Variants in XPC observed in about 807,000 individuals in gnomAD.
XPC encodes the protein XPC complex subunit, DNA damage recognition and repair factor, also known as DNA repair protein complementing XP-C cells.
A neutral mutation model predicts 95.8 loss-of-function variants in XPC; 76 were observed. That is an observed-to-expected ratio of 0.79 (90% confidence interval 0.66 to 0.96). The LOEUF is 0.96. Among genes scored for constraint, XPC ranks in the 40% least tolerant of loss-of-function variants. The pLI is 0.00. For synonymous variants in XPC, 442 were observed against 442.1 expected, an observed-to-expected ratio of 1.00 and a Z score of 0.00; for missense variants, 1,146 against 1,179.8, an observed-to-expected ratio of 0.97 and a Z score of 0.42.
In XPC at chr3:14,148,547, A is replaced by T. The variant is rs1695542015; in HGVS notation, c.2420+15T>A. The T allele has an allele frequency of 6.2e-7, 1 of 1,613,204 alleles. No homozygotes were observed. Among genetic ancestry groups the T allele is most frequent in the Admixed American group, 1.7e-5 (1 of 59,924 alleles). On this transcript the variant is annotated intron_variant, in intron 13 of 15. Coordinates refer to ENST00000285021, the MANE Select transcript of XPC (RefSeq NM_004628.5). ...CATCCCTGTGTTTAGCCTCCATCGA[A>T]GGCCCCTCACGCACACGGGATGGGA... is the stretch of plus-strand genomic sequence containing the variant.
Position 14,164,848 on chromosome 3 carries a change from T to C in XPC, c.865A>G (p.Ile289Val). ...LQTTLERRFA[I>V]YSARDDEELV... Reference sequence around the variant, plus strand: ...TCCTCATCATCTCGAGCAGAGTAAATAGCAAATCTCCTTTCCAATGTAGTC... The same window carrying C: ...TCCTCATCATCTCGAGCAGAGTAAACAGCAAATCTCCTTTCCAATGTAGTC... Residue 289 changes from isoleucine to valine, a missense_variant, in exon 7 of 16, where the codon ATT becomes GTT. Coordinates refer to ENST00000285021, the MANE Select transcript of XPC (RefSeq NM_004628.5). 3 of 1,613,356 alleles carry C rather than the reference T, an allele frequency of 1.9e-6. No homozygotes were observed. The highest frequency in any genetic ancestry group is 2.7e-5 in the African/African-American group (2 of 75,012).
At position 14,146,034 on chromosome 3, in the gene XPC, A is replaced by G. The variant is rs372394855; in HGVS notation, c.2730T>C (p.Asp910=). Residue 910 remains aspartate (D), a synonymous_variant, in exon 16 of 16, where the codon GAT becomes GAC. Transcript: ENST00000285021. ...CACCCTTCAGCTTCTGCTTTTCTTC[A>G]TCTTCTCGGTTTTGAGGCCAGGAGG... ...LAASWPQNRE[D]EEKQKLKGGP... is the part of the protein sequence containing the mutation. The G allele has an allele frequency of 9.9e-6, 16 of 1,609,668 alleles. No individual in the cohort carries two copies. The African/African-American group carries it at 1.9e-4, about 19-fold the overall frequency.
At position 14,173,007 on chromosome 3, in the gene XPC, T is replaced by A; in HGVS notation, c.159A>T (p.Gln53His). 6.2e-7 allele frequency: 1 copy of A among 1,610,542 alleles called. No homozygotes were observed. Among genetic ancestry groups the A allele is most frequent in the South Asian group, 1.1e-5 (1 of 90,432 alleles). ...GACTGCAGCCTCTTTTCCTCTTTCCTTGTGAAACTTTGGAGAGAAGGCTCT... is the reference window on the plus strand; with the variant it reads ...GACTGCAGCCTCTTTTCCTCTTTCCATGTGAAACTTTGGAGAGAAGGCTCT... ...PKKSLLSKVS[Q>H]GKRKRGCSHP... Residue 53 changes from glutamine (Q) to histidine (H), a missense_variant, in exon 2 of 16, where the codon CAA (glutamine) becomes CAT (histidine). Gln to His is a conservative substitution (Grantham distance 24). Coordinates refer to ENST00000285021, the MANE Select transcript of XPC (RefSeq NM_004628.5).
chr3:14,148,440 C>A (rs1695536866), intron 13 of XPC, 122 bp downstream of exon 13: 3 of 1,357,452 alleles, frequency 2.2e-6, no homozygotes, highest in Non-Finnish European at 2.0e-6. Context: ...AGTGTAACAT[C>A]CTGAAAATTG....
At chr3:14,155,178 T>C (rs1159294132) in intron 10 of XPC, among the ~76,000 whole-genome samples, 1 of 151,630 alleles carries the variant, frequency 6.6e-6, no homozygotes, top group African/African-American at 2.4e-5. Context: ...GAAGAGAGGG[T>C]CCAGCATGAC....
chr3:14,175,882 T>G (rs996450839), intron 1 of XPC, among the ~76,000 whole-genome samples: 53 of 152,182 alleles, frequency 3.5e-4, no homozygotes, highest in Admixed American at 2.9e-3. Flanking sequence ...CAACAAAGGT[T>G]GTAACTCTGC....
intron 8 of XPC, among the ~76,000 whole-genome samples, chr3:14,159,321 TAC>T (rs1696073292): frequency 6.6e-6 from 1 of 152,178 alleles, no homozygotes; most frequent in African/African-American, 2.4e-5. Context: ...GTTTTAAGAA[TAC>T]AGATATTATG....
chr3:14,155,220 C>G (rs1422957733), intron 10 of XPC, among the ~76,000 whole-genome samples: 1 of 152,174 alleles, frequency 6.6e-6, no homozygotes, highest in South Asian at 2.1e-4. Flanking sequence ...AGGAAGTCAT[C>G]CCCAGTGGGA....
chr3:14,173,748 A>G (rs1431535980), intron 1 of XPC, among the ~76,000 whole-genome samples: 2 of 152,196 alleles, frequency 1.3e-5, no homozygotes, highest in Admixed American at 6.5e-5. Flanking sequence ...TTATTTACAT[A>G]TAATAATTAT....
intron 10 of XPC, among the ~76,000 whole-genome samples, chr3:14,154,172 C>T (rs767408909): frequency 1.3e-5 from 2 of 152,064 alleles, no homozygotes; most frequent in African/African-American, 2.4e-5. Flanking sequence ...AAAGTGGAGA[C>T]CTTGTGGACT....
intron 10 of XPC, among the ~76,000 whole-genome samples, chr3:14,154,383 A>G (rs958363716): frequency 9.8e-5 from 15 of 152,314 alleles, no homozygotes; most frequent in Admixed American, 9.8e-4. Context: ...CAACAGCCAA[A>G]AGGTGGAGAC....
intron 4 of XPC, 122 bp from the exon 5 acceptor site, chr3:14,167,375 C>T: frequency 2.3e-6 from 2 of 864,122 alleles, no homozygotes; most frequent in Non-Finnish European, 3.4e-6. Flanking sequence ...CTACACAAGG[C>T]TGTGCTACTC....
In XPC at chr3:14,170,543, G is replaced by A; in HGVS notation, c.307C>T (p.Pro103Ser). ...TGGTGTGCCTTCTTGAGGTCACTTG[G>A]AAAGTCCCTGTGTAAAGACCACAGG... is the stretch of plus-strand genomic sequence containing the variant. ...LSDGDDLRDFPSDLKKAHHLK... is the reference protein window; with the variant it reads ...LSDGDDLRDFSSDLKKAHHLK... Residue 103 changes from proline (P) to serine (S), a missense_variant, in exon 3 of 16, where the codon CCA (proline) becomes TCA (serine). By Grantham distance (74) the Pro-to-Ser change is moderately conservative. Coordinates refer to ENST00000285021, the MANE Select transcript of XPC (RefSeq NM_004628.5). 1 of 1,611,674 alleles carries A rather than the reference G, an allele frequency of 6.2e-7. No individual in the cohort carries two copies. The highest frequency in any genetic ancestry group is 8.5e-7 in the Non-Finnish European group (1 of 1,178,562).
chr3:14,154,912 A>C (rs935236836), intron 10 of XPC, among the ~76,000 whole-genome samples: 11 of 151,766 alleles, frequency 7.2e-5, no homozygotes, highest in Non-Finnish European at 1.3e-4. Context: ...TAAATCAATA[A>C]ATATGCACCT....
rs1003950496 is a variant in XPC, at chr3:14,168,738, G to GAAT, written c.413-361_413-359dup. Among the ~76,000 whole-genome samples, 39 of 151,536 alleles carry GAAT rather than the reference G, an allele frequency of 2.6e-4. 1 individual carries two copies. The highest frequency in any genetic ancestry group is 2.3e-3 in the Admixed American group (35 of 15,196). On this transcript the variant is annotated intron_variant, in intron 3 of 15. Transcript: ENST00000285021. ...CTTTAAAAAAAAAAAACCCAAGTGA[G>GAAT]AATAATCTCCTTTTCTCTGTATTCT...
intron 2 of XPC, among the ~76,000 whole-genome samples, chr3:14,170,935 T>C (rs1285424039): frequency 6.6e-6 from 1 of 152,188 alleles, no homozygotes; most frequent in East Asian, 1.9e-4. Context: ...AAAATCTCCA[T>C]TTATATATCC....
At chr3:14,172,768 C>A in intron 2 of XPC, 99 bp downstream of exon 2, 1 of 1,341,724 alleles carries the variant, frequency 7.5e-7, no homozygotes, top group Non-Finnish European at 1.0e-6. Context: ...TCCAATCTTC[C>A]ATGGACCCCA....
chr3:14,175,706 T>C (rs1696788700), intron 1 of XPC, among the ~76,000 whole-genome samples: 1 of 152,218 alleles, frequency 6.6e-6, no homozygotes, highest in Non-Finnish European at 1.5e-5. Flanking sequence ...TTTCTCCTAT[T>C]TGTCAAAAGC....
In XPC at chr3:14,172,961, C is replaced by G. The variant is rs533660155; in HGVS notation, c.205G>C (p.Gly69Arg). ...TTGGCCACTTTCTTTTTTGCTGGAC[C>G]ATCTGCTGAACCCCCAGGATGACTG... ...GCSHPGGSAD[G>R]PAKKKVAKVT... Residue 69 changes from glycine (G) to arginine (R), a missense_variant, in exon 2 of 16, where the codon GGT becomes CGT. Physicochemically the swap from Gly to Arg is moderately radical, Grantham distance 125. Coordinates refer to ENST00000285021, the MANE Select transcript of XPC (RefSeq NM_004628.5). 2.0e-5 allele frequency: 33 copies of G among 1,613,900 alleles called. No homozygotes were observed. The highest frequency in any genetic ancestry group is 2.8e-5 in the Non-Finnish European group (33 of 1,179,852).
Sources: allele counts gnomAD v4.1 joint callset (sites outside exome capture counted in the v4.1 genomes callset), GRCh38; gene constraint gnomAD v4.1.1; transcripts MANE v1.5; gene names NCBI Gene and HGNC (gene_info 2026-07-23, HGNC 2026-07-21).